The following MRPL1 variants were observed in gnomAD, a reference collection of about 807,000 sequenced individuals.
MRPL1 encodes large ribosomal subunit protein uL1m.
Under a neutral mutation model 38.0 loss-of-function variants are expected in MRPL1, and 28 were observed. The observed-to-expected ratio is 0.74, with a 90% CI of 0.55 to 1.01. MRPL1 has a LOEUF of 1.01. Ranked by LOEUF, MRPL1 falls within the 50% of genes least tolerant of loss-of-function variation. The probability of loss-of-function intolerance (pLI) is 0.00; values close to 1 mark genes in which losing one functional copy is unlikely to be tolerated. For missense variants in MRPL1, 358 were observed against 389.8 expected (o/e 0.92, Z 0.69); for synonymous variants, 123 against 126.7 (o/e 0.97, Z 0.20).
intron 5 of MRPL1, among the ~76,000 whole-genome samples, chr4:77,887,834 T>C (rs1170929405): frequency 6.6e-6 from 1 of 152,138 alleles, no homozygotes; most frequent in Non-Finnish European, 1.5e-5. Flanking sequence ...CAGTCTGATA[T>C]TGATTATACT....
chr4:77,869,881 G>A (rs1034481095), intron 1 of MRPL1, among the ~76,000 whole-genome samples: 1 of 151,832 alleles, frequency 6.6e-6, no homozygotes, highest in African/African-American at 2.4e-5. Context: ...GTGAGCCACC[G>A]CACCCAGCCT....
At chr4:77,909,734 G>A (rs1242003272) in intron 7 of MRPL1, among the ~76,000 whole-genome samples, 1 of 152,144 alleles carries the variant, frequency 6.6e-6, no homozygotes, top group Non-Finnish European at 1.5e-5. Context: ...TGAGCACATA[G>A]TAGGTGTTCA....
intron 2 of MRPL1, among the ~76,000 whole-genome samples, chr4:77,882,285 G>A (rs1578041006): frequency 6.6e-6 from 1 of 152,116 alleles, no homozygotes; most frequent in East Asian, 1.9e-4. Context: ...TTCTTTACCT[G>A]GCTAACTCTA....
chr4:77,946,798 C>T (rs531925296), intron 7 of MRPL1, among the ~76,000 whole-genome samples: 1 of 152,112 alleles, frequency 6.6e-6, no homozygotes, highest in Non-Finnish European at 1.5e-5. Flanking sequence ...CTTTTTAACT[C>T]AGACACTTTC....
intron 4 of MRPL1, among the ~76,000 whole-genome samples, chr4:77,886,329 C>G (rs1209586356): frequency 6.6e-6 from 1 of 151,864 alleles, no homozygotes; most frequent in African/African-American, 2.4e-5. Context: ...CACTATATGG[C>G]AGGCTAATTT....
chr4:77,896,598 T>C (rs1264608507), intron 6 of MRPL1, among the ~76,000 whole-genome samples: 1 of 152,210 alleles, frequency 6.6e-6, no homozygotes, highest in Admixed American at 6.5e-5. Flanking sequence ...GAACATTTGA[T>C]TCCCCCTATA....
At chr4:77,876,460 A>C (rs116393199) in intron 2 of MRPL1, among the ~76,000 whole-genome samples, 1,999 of 152,300 alleles carry the variant, frequency 0.013, 19 homozygotes, top group South Asian at 0.028. Flanking sequence ...GTTCTATTCC[A>C]GTATGGTTTT....
chr4:77,918,437 A>C (rs987847277), intron 7 of MRPL1, among the ~76,000 whole-genome samples: 3 of 151,376 alleles, frequency 2.0e-5, no homozygotes, highest in African/African-American at 7.3e-5. Context: ...TTTTTTTTCT[A>C]TGTGGTTGAA....
chr4:77,926,643 C>G (rs1316170351), intron 7 of MRPL1, among the ~76,000 whole-genome samples: 1 of 144,094 alleles, frequency 6.9e-6, no homozygotes, highest in Non-Finnish European at 1.5e-5. Flanking sequence ...GAGTCTCACT[C>G]TGTTGCTCAA....
chr4:77,906,148 TG>T (rs1560466950), intron 6 of MRPL1, among the ~76,000 whole-genome samples: 1 of 151,978 alleles, frequency 6.6e-6, no homozygotes, highest in Non-Finnish European at 1.5e-5. Context: ...TAAGTGAGGG[TG>T]GGTGGCTCAG....
intron 7 of MRPL1, among the ~76,000 whole-genome samples, chr4:77,910,288 C>T (rs1736255719): frequency 6.6e-6 from 1 of 152,158 alleles, no homozygotes; most frequent in Non-Finnish European, 1.5e-5. Context: ...ACCATCTTGC[C>T]TCATGACTGG....
intron 7 of MRPL1, among the ~76,000 whole-genome samples, chr4:77,936,656 A>G (rs1014405544): frequency 6.6e-6 from 1 of 152,236 alleles, no homozygotes; most frequent in African/African-American, 2.4e-5. Flanking sequence ...GACAGAGGCC[A>G]TTTGGCCTGC....
chr4:77,916,537 T>A (rs901396649), intron 7 of MRPL1, among the ~76,000 whole-genome samples: 2 of 152,210 alleles, frequency 1.3e-5, no homozygotes, highest in African/African-American at 4.8e-5. Flanking sequence ...CTAGGCACCC[T>A]TATAAAATTC....
At chr4:77,872,776 T>C (rs1470314574) in intron 2 of MRPL1, among the ~76,000 whole-genome samples, 1 of 152,114 alleles carries the variant, frequency 6.6e-6, no homozygotes, top group African/African-American at 2.4e-5. Flanking sequence ...GGTGGGAGAA[T>C]CGCTTGAACC....
At chr4:77,945,950 A>G (rs568107295) in intron 7 of MRPL1, among the ~76,000 whole-genome samples, 22 of 152,324 alleles carry the variant, frequency 1.4e-4, no homozygotes, top group Admixed American at 3.3e-4. Flanking sequence ...CTGTGCACGT[A>G]TTGTCTTGAT....
chr4:77,945,739 C>T (rs576875540), intron 7 of MRPL1, among the ~76,000 whole-genome samples: 1 of 151,972 alleles, frequency 6.6e-6, no homozygotes, highest in Non-Finnish European at 1.5e-5. Flanking sequence ...ACAAAACCAG[C>T]AGGTTTTTAT....
chr4:77,905,187 A>G (rs1478795759), intron 6 of MRPL1, among the ~76,000 whole-genome samples: 1 of 152,128 alleles, frequency 6.6e-6, no homozygotes, highest in East Asian at 1.9e-4. Context: ...AAAATAGTTG[A>G]GTAGGTATTG....
chr4:77,867,613 T>C (rs1243001027), intron 1 of MRPL1, among the ~76,000 whole-genome samples: 1 of 152,164 alleles, frequency 6.6e-6, no homozygotes, highest in Admixed American at 6.5e-5. Flanking sequence ...CTTGAACTCC[T>C]GGGCTCAAAT....
chr4:77,882,228 T>C (rs1191932589), intron 2 of MRPL1, among the ~76,000 whole-genome samples: 2 of 152,228 alleles, frequency 1.3e-5, no homozygotes, highest in Admixed American at 1.3e-4. Context: ...AATAGCTTCC[T>C]TCTTATACCA....
Sources: gnomAD v4.1 joint callset for allele counts (sites outside exome capture counted in the v4.1 genomes callset) on GRCh38, gnomAD v4.1.1 for gene constraint, MANE v1.5 for transcripts, NCBI Gene and HGNC (gene_info 2026-07-23, HGNC 2026-07-21) for gene names.